PBRM1: variants seen among roughly 807,000 people sequenced by gnomAD.
PBRM1 encodes the protein protein polybromo-1.
A neutral mutation model predicts 194.5 loss-of-function variants in PBRM1; 27 were observed. The observed-to-expected ratio is 0.14, with a 90% CI of 0.10 to 0.19. PBRM1 has a LOEUF of 0.19. PBRM1 is among the 10% of genes least tolerant of loss of function. The probability of loss-of-function intolerance (pLI) is 1.00; values close to 1 mark genes in which losing one functional copy is unlikely to be tolerated. For missense variants in PBRM1, 1,466 were observed against 2,077.2 expected (o/e 0.71, Z 5.72); for synonymous variants, 655 against 693.2 (o/e 0.94, Z 0.87).
At chr3:52,676,610 C>A (rs938709667) in intron 2 of PBRM1, among the ~76,000 whole-genome samples, 2 of 152,118 alleles carry the variant, frequency 1.3e-5, no homozygotes, top group Admixed American at 1.3e-4. Context: ...CCAACTGATA[C>A]AGTAAATTGA....
At position 52,617,247 on chromosome 3, in the gene PBRM1, G is replaced by T; in HGVS notation, c.1818+15C>A. ...CGCAAAATGTGCCTACTTCAGGACC[G>T]CTGGCCCTCCTTACCTGGGAGCCCT... On this transcript the variant is annotated intron_variant, in intron 14 of 29. Coordinates refer to ENST00000296302, the Ensembl canonical transcript of PBRM1. 1 of 1,608,378 alleles carries T rather than the reference G, an allele frequency of 6.2e-7. No individual in the cohort carries two copies. Among genetic ancestry groups the T allele is most frequent in the Admixed American group, 1.7e-5 (1 of 59,518 alleles).
chr3:52,630,561 CT>C (rs1255821947), intron 11 of PBRM1, among the ~76,000 whole-genome samples: 2 of 152,228 alleles, frequency 1.3e-5, no homozygotes, highest in African/African-American at 4.8e-5. Flanking sequence ...AGCACTGCCC[CT>C]AGACCTCCCT....
intron 6 of PBRM1, among the ~76,000 whole-genome samples, chr3:52,650,675 T>C (rs749999571): frequency 3.9e-5 from 6 of 152,180 alleles, no homozygotes; most frequent in Non-Finnish European, 7.3e-5. Context: ...GTAGGTTCTA[T>C]GTGAGATGCT....
intron 2 of PBRM1, among the ~76,000 whole-genome samples, chr3:52,672,491 C>CTTTTTTTTTTTTTTTTTTTTTTTTT (rs34792299): frequency 9.6e-6 from 1 of 103,860 alleles, no homozygotes; most frequent in Non-Finnish European, 1.9e-5. Context: ...TTTTTTTTGG[C>CTTTTTTTTTTTTTTTTTTTTTTTTT]TTTTTTTTTT....
intron 16 of PBRM1, among the ~76,000 whole-genome samples, chr3:52,608,568 C>T (rs2094462854): frequency 6.6e-6 from 1 of 152,004 alleles, no homozygotes; most frequent in African/African-American, 2.4e-5. Context: ...GCTGGCATTA[C>T]ACTGCCTGAA....
intron 4 of PBRM1, among the ~76,000 whole-genome samples, chr3:52,658,777 G>A (rs947155446): frequency 2.0e-5 from 3 of 152,180 alleles, no homozygotes; most frequent in Non-Finnish European, 4.4e-5. Context: ...CATAGGCATT[G>A]TATCCCTAGA....
chr3:52,682,327 A>C (rs1293451950), upstream of PBRM1: 2 of 152,094 alleles, frequency 1.3e-5, no homozygotes, highest in Non-Finnish European at 2.9e-5. Context: ...ATTTATTTCC[A>C]AAAGTCCTAT....
chr3:52,633,550 A>C (rs188118531), intron 11 of PBRM1, among the ~76,000 whole-genome samples: 4 of 152,210 alleles, frequency 2.6e-5, no homozygotes, highest in African/African-American at 4.8e-5. Flanking sequence ...TCTTAATCAC[A>C]TGGTAATTCT....
At chr3:52,643,340 A>G (rs761374626) in exon 9 of PBRM1, 4 of 1,605,088 alleles carry the variant, frequency 2.5e-6, no homozygotes, top group Non-Finnish European at 3.4e-6. Context: ...AGTTGGATGG[A>G]GTCCTATCCA....
At chr3:52,678,468 C>T in intron 2 of PBRM1, 32 bp downstream of exon 3, 1 of 1,402,740 alleles carries the variant, frequency 7.1e-7, no homozygotes, top group African/African-American at 1.4e-5. Context: ...GACCAAATCC[C>T]CCGCAACTGT....
Position 52,662,288 on chromosome 3 carries a change from C to CAA in PBRM1, c.385-14_385-13dup. ...TCAGGAGAATCTGGCTGTATGTTAG[C>CAA]AAAGAGAAAAAAAAAAACACTTTAG... On this transcript the variant is annotated splice_polypyrimidine_tract_variant and intron_variant, in intron 3 of 29. Coordinates refer to ENST00000296302, the Ensembl canonical transcript of PBRM1. 6.5e-7 allele frequency: 1 copy of CAA among 1,543,372 alleles called. No homozygotes were observed. Among genetic ancestry groups the CAA allele is most frequent in the Admixed American group, 2.1e-5 (1 of 47,684 alleles).
intron 20 of PBRM1, among the ~76,000 whole-genome samples, chr3:52,581,961 G>A (rs183629363): frequency 1.3e-3 from 205 of 152,220 alleles, no homozygotes; most frequent in Non-Finnish European, 2.6e-3. Flanking sequence ...AAAAAGTTCC[G>A]GTCGGGAGTA....
At chr3:52,573,323 C>G (rs2088125464) in intron 22 of PBRM1, among the ~76,000 whole-genome samples, 1 of 151,568 alleles carries the variant, frequency 6.6e-6, no homozygotes, top group Admixed American at 6.6e-5. Context: ...GTCTCTTGCT[C>G]TGTCTCCAGC....
At chr3:52,665,166 T>C (rs1314900703) in intron 3 of PBRM1, among the ~76,000 whole-genome samples, 2 of 152,126 alleles carry the variant, frequency 1.3e-5, no homozygotes, top group Non-Finnish European at 2.9e-5. Context: ...ATTATTATTA[T>C]TGTTTTTAAA....
chr3:52,604,205 G>C (rs1002325336), intron 16 of PBRM1, among the ~76,000 whole-genome samples: 2 of 152,216 alleles, frequency 1.3e-5, no homozygotes, highest in African/African-American at 4.8e-5. Flanking sequence ...GCCTAGGCTA[G>C]TGAGACCCTG....
chr3:52,566,521 T>C (rs1226230975), intron 22 of PBRM1, among the ~76,000 whole-genome samples: 2 of 152,160 alleles, frequency 1.3e-5, no homozygotes, highest in African/African-American at 2.4e-5. Flanking sequence ...TGGATGAGCC[T>C]TGAAAACATT....
At chr3:52,680,825 T>C (rs1412007216), upstream of PBRM1, among the ~76,000 whole-genome samples, 2 of 152,038 alleles carry the variant, frequency 1.3e-5, no homozygotes, top group Non-Finnish European at 2.9e-5. Flanking sequence ...CACACCCAGC[T>C]AATTTTTGTA....
downstream of PBRM1, chr3:52,545,487 T>C (rs1691590414): frequency 4.3e-6 from 1 of 232,802 alleles, no homozygotes; most frequent in African/African-American, 2.2e-5. Context: ...ATACAGAAAT[T>C]AGAATAAACC....
chr3:52,561,668 T>C (rs1024757255), intron 25 of PBRM1, 99 bp downstream of exon 27: 7 of 1,023,720 alleles, frequency 6.8e-6, no homozygotes, highest in East Asian at 4.8e-5. Flanking sequence ...TAAAAGTTCA[T>C]GTGCAAGTGG....
Sources: gnomAD v4.1 joint callset for allele counts (sites outside exome capture counted in the v4.1 genomes callset) on GRCh38, gnomAD v4.1.1 for gene constraint, MANE v1.5 for transcripts, NCBI Gene and HGNC (gene_info 2026-07-23, HGNC 2026-07-21) for gene names.